RBBP4: variants seen among roughly 807,000 people sequenced by gnomAD.
RBBP4 encodes histone-binding protein RBBP4.
In RBBP4, 3 loss-of-function variants were observed where a neutral mutation model predicts 57.2. The observed-to-expected ratio is 0.05, with a 90% confidence interval of 0.02 to 0.14. The LOEUF (loss-of-function observed/expected upper bound fraction) is 0.14. RBBP4 is among the 10% of genes least tolerant of loss of function. The probability of loss-of-function intolerance (pLI) is 1.00; values close to 1 mark genes in which losing one functional copy is unlikely to be tolerated. For synonymous variants in RBBP4, 151 were observed against 171.5 expected (o/e 0.88, Z 0.93); for missense variants, 107 against 520.6 (o/e 0.21, Z 7.73).
rs375783581 is a variant in RBBP4 at position 32,684,236 on chromosome 1, T to C, written c.*4531T>C. On this transcript the variant is annotated 3_prime_UTR_variant, in exon 12 of 12. Coordinates refer to ENST00000373493, the MANE Select transcript of RBBP4 (RefSeq NM_005610.3). Reference sequence around the variant, plus strand: ...CCCCTCAGCCAGTATTAGATGAGATTTGTATAGCAGCAGAAACTGACTTAT... The same window carrying C: ...CCCCTCAGCCAGTATTAGATGAGATCTGTATAGCAGCAGAAACTGACTTAT... The C allele has an allele frequency of 5.0e-6, 8 of 1,614,122 alleles. No homozygotes were observed. The African/African-American group carries it at 9.3e-5, about 19-fold the overall frequency.
chr1:32,653,147 CG>C (rs1429093352), intron 2 of RBBP4, among the ~76,000 whole-genome samples: 1 of 151,948 alleles, frequency 6.6e-6, no homozygotes, highest in African/African-American at 2.4e-5. Context: ...TGCTACATAT[CG>C]GGGATCCAAA....
chr1:32,659,970 C>A (rs1260118879), intron 3 of RBBP4, among the ~76,000 whole-genome samples: 2 of 152,174 alleles, frequency 1.3e-5, no homozygotes, highest in Admixed American at 6.6e-5. Context: ...AAGTTGCACT[C>A]CAGAAAAAGA....
chr1:32,661,535 C>G (rs1178020668), intron 3 of RBBP4, among the ~76,000 whole-genome samples: 1 of 151,946 alleles, frequency 6.6e-6, no homozygotes, highest in Non-Finnish European at 1.5e-5. Context: ...CTCAGGTGAT[C>G]CACCTGCGTC....
Position 32,681,460 on chromosome 1 carries a change from C to CA in RBBP4, c.*1760dup, listed in dbSNP as rs1341633692. On this transcript the variant is annotated 3_prime_UTR_variant, in exon 12 of 12. Coordinates refer to ENST00000373493, the MANE Select transcript of RBBP4 (RefSeq NM_005610.3). ...TCTTTTTGACCCCACATGTGCCCCT[C>CA]AAAAATGTTTTTGGTTTGGGTCAAC... The CA allele has an allele frequency of 9.7e-6, 2 of 207,178 alleles. No individual in the cohort carries two copies. The highest frequency in any genetic ancestry group is 4.6e-5 in the African/African-American group (2 of 43,498). The allele number at this position is 207,178 out of a possible 1,614,324, so 12.8% of individuals were successfully genotyped here.
intron 1 of RBBP4, 157 bp downstream of exon 1, chr1:32,651,479 C>A: frequency 7.3e-7 from 1 of 1,365,896 alleles, no homozygotes; most frequent in South Asian, 2.0e-5. Context: ...GTGCTAACGG[C>A]TCGCCAGTTC....
intron 2 of RBBP4, chr1:32,652,366 T>A (rs1175279470): frequency 1.6e-5 from 4 of 250,516 alleles, no homozygotes; most frequent in Non-Finnish European, 3.1e-5. Context: ...TCAAAAAGTA[T>A]TATGGCCAGG....
At chr1:32,678,751 G>A (rs950830212) in intron 11 of RBBP4, among the ~76,000 whole-genome samples, 1 of 151,664 alleles carries the variant, frequency 6.6e-6, no homozygotes, top group Non-Finnish European at 1.5e-5. Context: ...CCCCACACAT[G>A]GCTGATTTTT....
At chr1:32,662,882 G>C (rs1056811019) in intron 3 of RBBP4, among the ~76,000 whole-genome samples, 1 of 151,920 alleles carries the variant, frequency 6.6e-6, no homozygotes, top group South Asian at 2.1e-4. Context: ...TACTTGGAAG[G>C]CTGATGCAGT....
chr1:32,661,816 T>G (rs1243406505), intron 3 of RBBP4, among the ~76,000 whole-genome samples: 1 of 146,676 alleles, frequency 6.8e-6, no homozygotes, highest in Admixed American at 6.9e-5. Flanking sequence ...TTTTTTCACA[T>G]TCGTTGTCTG....
chr1:32,684,163 T>C lies in RBBP4; in HGVS notation c.*4458T>C. Reference sequence around the variant, plus strand: ...TTGAAAATCATTTCCCAAATCCTCTTTTTGTTTTTGATTCTAAGGTAAAAT... The same window carrying C: ...TTGAAAATCATTTCCCAAATCCTCTCTTTGTTTTTGATTCTAAGGTAAAAT... On this transcript the variant is annotated 3_prime_UTR_variant, in exon 12 of 12. Transcript: ENST00000373493. The C allele has an allele frequency of 6.2e-7, 1 of 1,606,248 alleles. No individual in the cohort carries two copies. The highest frequency in any genetic ancestry group is 1.3e-5 in the African/African-American group (1 of 74,598).
Position 32,681,997 on chromosome 1 carries a change from C to A in RBBP4, c.*2292C>A. On this transcript the variant is annotated 3_prime_UTR_variant, in exon 12 of 12. Transcript: ENST00000373493. ...TTTCCCCTAGCAAATATTTGGATGC[C>A]TCCTGTTTGTCAAATAGAATGAATG... The A allele has an allele frequency of 1.4e-6, 1 of 722,348 alleles. No homozygotes were observed. The highest frequency in any genetic ancestry group is 2.4e-6 in the Non-Finnish European group (1 of 420,708). 44.7% of individuals were successfully genotyped at this position (722,348 alleles called of 1,614,324 possible).
At chr1:32,664,212 TTA>T (rs1648550393) in intron 3 of RBBP4, among the ~76,000 whole-genome samples, 1 of 152,192 alleles carries the variant, frequency 6.6e-6, no homozygotes, top group Non-Finnish European at 1.5e-5. Context: ...AACACTGATG[TTA>T]ATAAGTTCTG....
chr1:32,664,093 AT>A (rs1570850709), intron 3 of RBBP4, among the ~76,000 whole-genome samples: 1 of 151,224 alleles, frequency 6.6e-6, no homozygotes, highest in African/African-American at 2.4e-5. Flanking sequence ...CGCCCGGCTA[AT>A]TTTTTTTGTA....
At chr1:32,664,873 T>C (rs1334775611) in intron 3 of RBBP4, among the ~76,000 whole-genome samples, 1 of 152,156 alleles carries the variant, frequency 6.6e-6, no homozygotes, top group Non-Finnish European at 1.5e-5. Context: ...ACCACACAAA[T>C]TTTTTGTATG....
At chr1:32,678,210 C>G (rs1649194886) in intron 11 of RBBP4, among the ~76,000 whole-genome samples, 1 of 152,142 alleles carries the variant, frequency 6.6e-6, no homozygotes, top group African/African-American at 2.4e-5. Flanking sequence ...TAGGCAGCCA[C>G]CAAGCTATGG....
intron 3 of RBBP4, among the ~76,000 whole-genome samples, chr1:32,666,376 T>G (rs1570854080): frequency 7.7e-6 from 1 of 129,530 alleles, no homozygotes. Context: ...TTTTTTTTTT[T>G]GAGACGGAGT....
chr1:32,660,347 G>A (rs964623400), intron 3 of RBBP4, among the ~76,000 whole-genome samples: 6 of 152,040 alleles, frequency 3.9e-5, no homozygotes, highest in Non-Finnish European at 5.9e-5. Flanking sequence ...GGGCTCAAAC[G>A]ATCCTCCCAC....
chr1:32,666,176 C>CT (rs1648638840), intron 3 of RBBP4, among the ~76,000 whole-genome samples: 1 of 152,034 alleles, frequency 6.6e-6, no homozygotes, highest in Non-Finnish European at 1.5e-5. Flanking sequence ...AAAAGAAACA[C>CT]TGTAAGGAGA....
chr1:32,684,302 C>A lies in RBBP4; in HGVS notation c.*4597C>A. 6.2e-7 allele frequency: 1 copy of A among 1,614,128 alleles called. No individual in the cohort carries two copies. The highest frequency in any genetic ancestry group is 8.5e-7 in the Non-Finnish European group (1 of 1,179,996). ...CAGCAAGACTGAGCCTTAGCTGTTC[C>A]ATCTCTTTGTTCTTCTGTTGCTGGA... On this transcript the variant is annotated 3_prime_UTR_variant, in exon 12 of 12. Coordinates refer to ENST00000373493, the MANE Select transcript of RBBP4 (RefSeq NM_005610.3).
Sources: gnomAD v4.1 joint callset for allele counts (sites outside exome capture counted in the v4.1 genomes callset) on GRCh38, gnomAD v4.1.1 for gene constraint, MANE v1.5 for transcripts, NCBI Gene and HGNC (gene_info 2026-07-23, HGNC 2026-07-21) for gene names.